The following RBFOX1 variants were observed in gnomAD, a reference collection of about 807,000 sequenced individuals.
The protein encoded by RBFOX1 is RNA binding protein fox-1 homolog 1.
A neutral mutation model predicts 57.7 loss-of-function variants in RBFOX1; 8 were observed. The ratio of observed to expected loss-of-function variants is 0.14; its 90% confidence interval spans 0.08 to 0.25. The LOEUF is 0.25. RBFOX1 is among the 10% of genes least tolerant of loss of function. The pLI is 1.00. For missense variants in RBFOX1, 611 were observed against 548.5 expected, an observed-to-expected ratio of 1.11 and a Z score of -1.14; for synonymous variants, 326 against 222.4, an observed-to-expected ratio of 1.47 and a Z score of -4.15.
intron 1 of RBFOX1, among the ~76,000 whole-genome samples, chr16:6,067,564 T>C (rs912741601): frequency 2.6e-5 from 4 of 152,194 alleles, no homozygotes; most frequent in Admixed American, 6.5e-5. Flanking sequence ...TGATGAAATA[T>C]GTTGGGAGAG....
chr16:5,331,788 C>T (rs1238465210), intron 1 of RBFOX1, among the ~76,000 whole-genome samples: 1 of 152,376 alleles, frequency 6.6e-6, no homozygotes, highest in East Asian at 1.9e-4. Flanking sequence ...GTAGAAGTCA[C>T]TGATGAAAGA....
intron 4 of RBFOX1, among the ~76,000 whole-genome samples, chr16:5,990,233 C>G (rs1429906105): frequency 6.6e-6 from 1 of 152,130 alleles, no homozygotes; most frequent in African/African-American, 2.4e-5. Flanking sequence ...TCAAGTGATC[C>G]TCCCACTTTG....
intron 4 of RBFOX1, among the ~76,000 whole-genome samples, chr16:7,308,717 A>G (rs1336043520): frequency 3.9e-5 from 6 of 152,214 alleles, no homozygotes; most frequent in Admixed American, 1.3e-4. Context: ...GTCTTTAATT[A>G]GAAAGCGATT....
At chr16:5,379,502 A>G (rs1252715229) in intron 1 of RBFOX1, among the ~76,000 whole-genome samples, 2 of 147,272 alleles carry the variant, frequency 1.4e-5, no homozygotes, top group South Asian at 2.1e-4. Flanking sequence ...CTTAGTCTAA[A>G]CAAGCACATG....
At chr16:7,141,127 G>A (rs963181631) in intron 4 of RBFOX1, among the ~76,000 whole-genome samples, 1 of 152,156 alleles carries the variant, frequency 6.6e-6, no homozygotes, top group African/African-American at 2.4e-5. Context: ...AAGTGGCTCT[G>A]GCTTTATCAG....
At chr16:6,640,638 C>G (rs573022372) in intron 2 of RBFOX1, among the ~76,000 whole-genome samples, 5 of 151,544 alleles carry the variant, frequency 3.3e-5, no homozygotes, top group Admixed American at 2.0e-4. Flanking sequence ...TAAATAAATA[C>G]TACTTTATAG....
At chr16:5,611,719 T>TCTCCATCCATCC (rs2047801150) in intron 3 of RBFOX1, among the ~76,000 whole-genome samples, 1 of 114,584 alleles carries the variant, frequency 8.7e-6, no homozygotes, top group African/African-American at 3.6e-5. Context: ...TCCATCCATC[T>TCTCCATCCATCC]ATCCATCCAT....
At chr16:5,994,133 A>T (rs2060452471) in intron 4 of RBFOX1, among the ~76,000 whole-genome samples, 1 of 152,050 alleles carries the variant, frequency 6.6e-6, no homozygotes, top group South Asian at 2.1e-4. Context: ...TAATGGGTGT[A>T]TTGCTAACGC....
chr16:7,580,046 GC>G, intron 6 of RBFOX1, 126 bp downstream of exon 6: 1 of 1,021,250 alleles, frequency 9.8e-7, no homozygotes, highest in South Asian at 1.7e-5. Flanking sequence ...ACAATTTAGA[GC>G]CTAGTCTGCA....
At position 6,514,695 on chromosome 16, in the gene RBFOX1, G is replaced by T. The variant is rs909958952; in HGVS notation, c.-63-139908G>T. Among the ~76,000 whole-genome samples the T allele has an allele frequency of 3.3e-5, 5 of 152,060 alleles. No individual in the cohort carries two copies. In the South Asian group the frequency reaches 1.0e-3, roughly 32 times the overall value. ...AATGGTGTCTCCTGAAGTGTTCAAGGATCTACCCTCCTCCATAGTCATGAA... is the reference window on the plus strand; with the variant it reads ...AATGGTGTCTCCTGAAGTGTTCAAGTATCTACCCTCCTCCATAGTCATGAA... On this transcript the variant is annotated intron_variant, in intron 2 of 15. Transcript: ENST00000550418.
chr16:6,124,804 A>G (rs976972328), intron 1 of RBFOX1, among the ~76,000 whole-genome samples: 1 of 152,170 alleles, frequency 6.6e-6, no homozygotes, highest in African/African-American at 2.4e-5. Flanking sequence ...GTAGGATTAC[A>G]GGCATGAGTC....
intron 4 of RBFOX1, among the ~76,000 whole-genome samples, chr16:7,127,748 A>G (rs191930958): frequency 2.6e-5 from 4 of 152,338 alleles, no homozygotes; most frequent in East Asian, 3.9e-4. Context: ...TATCTTCTGC[A>G]TTCTTCCTCA....
intron 3 of RBFOX1, among the ~76,000 whole-genome samples, chr16:6,895,321 C>A (rs551174702): frequency 6.6e-6 from 1 of 151,136 alleles, no homozygotes; most frequent in South Asian, 2.1e-4. Flanking sequence ...TGGTTCCATT[C>A]ATGATGATTT....
intron 14 of RBFOX1, among the ~76,000 whole-genome samples, chr16:7,681,399 A>C (rs1458112180): frequency 6.6e-6 from 1 of 152,192 alleles, no homozygotes. Flanking sequence ...GTACAAGCTG[A>C]ACTAAAAAAG....
At chr16:7,215,974 C>T (rs896211914) in intron 4 of RBFOX1, among the ~76,000 whole-genome samples, 9 of 152,138 alleles carry the variant, frequency 5.9e-5, no homozygotes, top group East Asian at 1.9e-4. Context: ...CCGCACGCCT[C>T]GGCCTCCCAA....
intron 4 of RBFOX1, among the ~76,000 whole-genome samples, chr16:7,348,542 A>T (rs1429875913): frequency 6.6e-6 from 1 of 152,208 alleles, no homozygotes; most frequent in African/African-American, 2.4e-5. Context: ...CGTATATGAT[A>T]TCCTAAGTAA....
At chr16:5,449,747 C>T (rs1294697508) in intron 1 of RBFOX1, among the ~76,000 whole-genome samples, 2 of 152,020 alleles carry the variant, frequency 1.3e-5, no homozygotes, top group Non-Finnish European at 2.9e-5. Context: ...TAGATGGAAA[C>T]ACAGATGTAT....
chr16:5,844,611 A>G (rs192629561), intron 3 of RBFOX1, among the ~76,000 whole-genome samples: 8 of 152,338 alleles, frequency 5.3e-5, no homozygotes, highest in Admixed American at 4.6e-4. Flanking sequence ...AGGGGGAAAA[A>G]TAAGCAGTGT....
chr16:6,958,102 C>T (rs1361259149), intron 3 of RBFOX1, among the ~76,000 whole-genome samples: 1 of 151,920 alleles, frequency 6.6e-6, no homozygotes, highest in Non-Finnish European at 1.5e-5. Flanking sequence ...GGCTTGTGAG[C>T]TGCAGAAATG....
Sources: allele counts gnomAD v4.1 joint callset (sites outside exome capture counted in the v4.1 genomes callset), GRCh38; gene constraint gnomAD v4.1.1; transcripts MANE v1.5; gene names NCBI Gene and HGNC (gene_info 2026-07-23, HGNC 2026-07-21).